TBC1D5: variants seen among roughly 807,000 people sequenced by gnomAD.
The protein encoded by TBC1D5 is TBC1 domain family, member 5.
TBC1D5 carries 75 observed loss-of-function variants against 100.3 expected under a neutral mutation model. That is an observed-to-expected ratio of 0.75 (90% confidence interval 0.62 to 0.91). The LOEUF is 0.91. TBC1D5 is among the 40% of genes least tolerant of loss of function. The pLI, the probability that TBC1D5 is intolerant of heterozygous loss-of-function variation, is 0.00. For synonymous variants in TBC1D5, 323 were observed against 325.6 expected (o/e 0.99, Z 0.09); for missense variants, 910 against 942.4 (o/e 0.97, Z 0.45).
intron 2 of TBC1D5, among the ~76,000 whole-genome samples, chr3:17,557,766 T>C (rs2096531645): frequency 6.6e-6 from 1 of 152,216 alleles, no homozygotes; most frequent in Admixed American, 6.5e-5. Context: ...GTAAATTTTT[T>C]TTAAATGTTA....
intron 1 of TBC1D5, among the ~76,000 whole-genome samples, chr3:17,678,997 A>G (rs2069076623): frequency 1.3e-5 from 2 of 151,218 alleles, no homozygotes; most frequent in South Asian, 4.1e-4. Flanking sequence ...TTCTATATCC[A>G]AACCATTAAT....
intron 3 of TBC1D5, among the ~76,000 whole-genome samples, chr3:17,477,347 C>T (rs887442487): frequency 1.3e-5 from 2 of 151,904 alleles, no homozygotes; most frequent in African/African-American, 4.8e-5. Flanking sequence ...TTTCATAATG[C>T]TCTTGACTGA....
chr3:17,444,008 C>T (rs2094725023), intron 3 of TBC1D5, among the ~76,000 whole-genome samples: 1 of 152,102 alleles, frequency 6.6e-6, no homozygotes, highest in Admixed American at 6.5e-5. Flanking sequence ...TCAATGTAAT[C>T]TAATTATCTT....
chr3:17,706,250 G>A (rs1490599835), intron 1 of TBC1D5: 4 of 1,548,710 alleles, frequency 2.6e-6, no homozygotes, highest in Non-Finnish European at 3.5e-6. Context: ...ATTGATATTT[G>A]TACTTCTTCA....
intron 3 of TBC1D5, among the ~76,000 whole-genome samples, chr3:17,496,489 C>A (rs546351748): frequency 2.6e-5 from 4 of 151,662 alleles, no homozygotes; most frequent in Non-Finnish European, 5.9e-5. Flanking sequence ...AATGGGTCAA[C>A]AGAAAAGGTT....
chr3:17,412,383 G>T (rs2093950704), intron 4 of TBC1D5, among the ~76,000 whole-genome samples: 1 of 152,138 alleles, frequency 6.6e-6, no homozygotes, highest in South Asian at 2.1e-4. Flanking sequence ...AAAGAACTGA[G>T]AATCAAACAT....
intron 3 of TBC1D5, among the ~76,000 whole-genome samples, chr3:17,481,146 C>A (rs545649422): frequency 6.6e-6 from 1 of 152,290 alleles, no homozygotes; most frequent in Non-Finnish European, 1.5e-5. Flanking sequence ...TGGGTGCCCA[C>A]AATGGAAGTC....
chr3:17,294,180 G>C (rs887541790), intron 14 of TBC1D5, among the ~76,000 whole-genome samples: 7 of 151,268 alleles, frequency 4.6e-5, no homozygotes, highest in Non-Finnish European at 1.0e-4. Flanking sequence ...AGAAAAGCTT[G>C]ATTGATTGAC....
intron 1 of TBC1D5, among the ~76,000 whole-genome samples, chr3:17,654,531 G>A (rs146679988): frequency 0.017 from 2,515 of 152,240 alleles, 50 homozygotes; most frequent in South Asian, 0.048. Context: ...TGGTGGATAA[G>A]CTTTTTGATG....
At chr3:17,332,016 G>T (rs113011540) in intron 13 of TBC1D5, among the ~76,000 whole-genome samples, 2 of 152,204 alleles carry the variant, frequency 1.3e-5, no homozygotes, top group African/African-American at 4.8e-5. Context: ...GTTTGAGCAA[G>T]AAACTGTTAT....
intron 4 of TBC1D5, among the ~76,000 whole-genome samples, chr3:17,417,130 G>A (rs1039689098): frequency 6.6e-6 from 1 of 152,078 alleles, no homozygotes; most frequent in African/African-American, 2.4e-5. Flanking sequence ...CTAGATCTAC[G>A]AAAGTTGAGC....
At position 17,526,468 on chromosome 3, in the gene TBC1D5, A is replaced by G. The variant is rs531925105; in HGVS notation, c.-35-17863T>C. ...CTCCTGGCCTCAAACAATCCTCCCA[A>G]CATGAGCCACAACGCTTGGCCCAGA... is the stretch of plus-strand genomic sequence containing the variant. On this transcript the variant is annotated intron_variant, in intron 2 of 21. Transcript: ENST00000253692. Among the ~76,000 whole-genome samples, 7 of 152,194 alleles carry G rather than the reference A, an allele frequency of 4.6e-5. No homozygotes were observed. In the East Asian group the frequency reaches 1.4e-3, roughly 29 times the overall value.
intron 1 of TBC1D5, among the ~76,000 whole-genome samples, chr3:17,674,500 T>C (rs2068372276): frequency 6.6e-6 from 1 of 152,308 alleles, no homozygotes; most frequent in South Asian, 2.1e-4. Flanking sequence ...TTTTTCTATC[T>C]GAAGTATGTC....
intron 1 of TBC1D5, among the ~76,000 whole-genome samples, chr3:17,707,382 ATGTT>A (rs1416475031): frequency 6.6e-6 from 1 of 152,178 alleles, no homozygotes; most frequent in African/African-American, 2.4e-5. Context: ...TATTCAAAAA[ATGTT>A]AGTTAACAAG....
chr3:17,187,246 G>A (rs746968097), intron 18 of TBC1D5, among the ~76,000 whole-genome samples: 22 of 152,178 alleles, frequency 1.4e-4, no homozygotes, highest in Non-Finnish European at 2.4e-4. Context: ...ACTGGCCTAT[G>A]ACTTGCATTG....
chr3:17,498,852 AT>A (rs1173680714), intron 3 of TBC1D5, among the ~76,000 whole-genome samples: 1 of 152,174 alleles, frequency 6.6e-6, no homozygotes, highest in Non-Finnish European at 1.5e-5. Flanking sequence ...TGTAAGGAGA[AT>A]TTTACCAAAA....
intron 9 of TBC1D5, among the ~76,000 whole-genome samples, chr3:17,378,694 T>C (rs1393710924): frequency 1.3e-5 from 2 of 151,772 alleles, no homozygotes; most frequent in African/African-American, 4.8e-5. Context: ...TAAATCATTC[T>C]TCATGGTTTC....
At chr3:17,252,302 A>G (rs936333891) in intron 16 of TBC1D5, among the ~76,000 whole-genome samples, 20 of 152,306 alleles carry the variant, frequency 1.3e-4, no homozygotes, top group Admixed American at 9.8e-4. Context: ...GAAGAAACCA[A>G]GATTAGTTCT....
At chr3:17,318,385 A>G (rs1267543345) in intron 13 of TBC1D5, among the ~76,000 whole-genome samples, 2 of 152,122 alleles carry the variant, frequency 1.3e-5, no homozygotes, top group African/African-American at 4.8e-5. Flanking sequence ...AATAACAATA[A>G]AATTTAAAAA....
Sources: gnomAD v4.1 joint callset for allele counts (sites outside exome capture counted in the v4.1 genomes callset) on GRCh38, gnomAD v4.1.1 for gene constraint, MANE v1.5 for transcripts, NCBI Gene and HGNC (gene_info 2026-07-23, HGNC 2026-07-21) for gene names.